The following KIAA1549L variants were observed in gnomAD, a reference collection of about 807,000 sequenced individuals.
The protein encoded by KIAA1549L is KIAA1549 like.
In KIAA1549L, 88 loss-of-function variants were observed where a neutral mutation model predicts 160.7. That is an observed-to-expected ratio of 0.55 (90% CI 0.46 to 0.65). The LOEUF (loss-of-function observed/expected upper bound fraction) is 0.65. KIAA1549L is among the 30% of genes least tolerant of loss of function. KIAA1549L has a pLI of 0.00. For missense variants in KIAA1549L, 2,258 were observed against 2,437.5 expected (o/e 0.93, Z 1.55); for synonymous variants, 950 against 976.7 (o/e 0.97, Z 0.51).
chr11:33,464,992 C>G (rs1369296306), intron 1 of KIAA1549L, among the ~76,000 whole-genome samples: 1 of 150,328 alleles, frequency 6.7e-6, no homozygotes, highest in Non-Finnish European at 1.5e-5. Flanking sequence ...CAGGGGTTCT[C>G]TCTGCTGAAA....
rs1334922790 is a variant in KIAA1549L at position 33,574,861 on chromosome 11, C to T, written c.4390C>T (p.Leu1464=). The T allele has an allele frequency of 1.2e-6, 2 of 1,613,430 alleles. No individual in the cohort carries two copies. Among genetic ancestry groups the T allele is most frequent in the African/African-American group, 2.7e-5 (2 of 75,052 alleles). Residue 1464 remains leucine, a synonymous_variant, in exon 10 of 21, where the codon CTG becomes TTG. Coordinates refer to ENST00000658780, the MANE Select transcript of KIAA1549L (RefSeq NM_012194.3). ...CTTGACCCTTCATCACGTTGTCCTTCTGCAAGCTGACCGTAAGGGAATGGT... is the reference window on the plus strand; with the variant it reads ...CTTGACCCTTCATCACGTTGTCCTTTTGCAAGCTGACCGTAAGGGAATGGT... ...MALTLHHVVL[L]QADPVVKNPP... is the part of the protein sequence containing the mutation.
At chr11:33,660,379 C>G (rs1379256066) in intron 19 of KIAA1549L, among the ~76,000 whole-genome samples, 1 of 152,126 alleles carries the variant, frequency 6.6e-6, no homozygotes, top group Non-Finnish European at 1.5e-5. Flanking sequence ...AGTTCGAGAC[C>G]ACGGTGAAAC....
chr11:33,611,975 T>C (rs190668637), intron 15 of KIAA1549L, among the ~76,000 whole-genome samples: 4 of 152,370 alleles, frequency 2.6e-5, no homozygotes, highest in Non-Finnish European at 5.9e-5. Context: ...TGGGGCCTTT[T>C]GATGACCTGC....
chr11:33,429,837 A>G (rs1851194460), intron 1 of KIAA1549L, among the ~76,000 whole-genome samples: 1 of 152,092 alleles, frequency 6.6e-6, no homozygotes, highest in Non-Finnish European at 1.5e-5. Context: ...CCTCCACTGC[A>G]GTCATCTGGA....
At chr11:33,609,685 G>A in intron 14 of KIAA1549L, 64 bp from the exon 15 acceptor site, 1 of 1,320,642 alleles carries the variant, frequency 7.6e-7, no homozygotes, top group Non-Finnish European at 1.1e-6. Flanking sequence ...ACCTCCTGGT[G>A]AAAGTCTCCC....
intron 10 of KIAA1549L, 130 bp downstream of exon 10, chr11:33,575,003 T>TCAATCAG: frequency 1.3e-6 from 1 of 760,368 alleles, no homozygotes; most frequent in Non-Finnish European, 2.2e-6. Context: ...GGTTCTTAAA[T>TCAATCAG]CAATCAGCTA....
intron 1 of KIAA1549L, among the ~76,000 whole-genome samples, chr11:33,462,435 C>CT (rs1218520306): frequency 6.6e-6 from 1 of 152,112 alleles, no homozygotes; most frequent in Non-Finnish European, 1.5e-5. Flanking sequence ...AAAAATTTTC[C>CT]TTTTAGTTTT....
chr11:33,614,328 A>G (rs886227798), intron 15 of KIAA1549L, among the ~76,000 whole-genome samples: 1 of 151,112 alleles, frequency 6.6e-6, no homozygotes, highest in Non-Finnish European at 1.5e-5. Context: ...GAGGCCAAAC[A>G]TGAACTGCCT....
At chr11:33,604,685 G>A (rs1262052402) in intron 13 of KIAA1549L, among the ~76,000 whole-genome samples, 1 of 152,202 alleles carries the variant, frequency 6.6e-6, no homozygotes, top group Non-Finnish European at 1.5e-5. Context: ...ATTATTCTAA[G>A]TGAAGTAACT....
intron 1 of KIAA1549L, among the ~76,000 whole-genome samples, chr11:33,405,570 G>A (rs1420786789): frequency 2.7e-5 from 4 of 148,550 alleles, no homozygotes; most frequent in East Asian, 3.9e-4. Context: ...CTGTCTGGGC[G>A]CAGTGGCTAA....
intron 1 of KIAA1549L, among the ~76,000 whole-genome samples, chr11:33,430,685 A>G (rs1428201872): frequency 1.3e-5 from 2 of 152,182 alleles, no homozygotes; most frequent in African/African-American, 4.8e-5. Context: ...GGATGTCAGC[A>G]TCCTGTAGAG....
At chr11:33,534,965 C>T (rs1385283809) in intron 1 of KIAA1549L, among the ~76,000 whole-genome samples, 4 of 152,164 alleles carry the variant, frequency 2.6e-5, no homozygotes, top group Admixed American at 2.0e-4. Flanking sequence ...AAACAACATA[C>T]ATTTATTATC....
chr11:33,520,391 T>G lies in KIAA1549L; in HGVS notation c.239-21411T>G, dbSNP rs1327174930. Among the ~76,000 whole-genome samples the G allele has an allele frequency of 1.3e-5, 2 of 152,112 alleles. 1 individual carries two copies. The highest frequency in any genetic ancestry group is 4.8e-5 in the African/African-American group (2 of 41,430). Reference sequence around the variant, plus strand: ...TAAGTGAGCTTGTGCAATATTTGTCTTTCTGTGTCTGGCTTATTTCACTTA... The same window carrying G: ...TAAGTGAGCTTGTGCAATATTTGTCGTTCTGTGTCTGGCTTATTTCACTTA... On this transcript the variant is annotated intron_variant, in intron 1 of 20. Coordinates refer to ENST00000658780, the MANE Select transcript of KIAA1549L (RefSeq NM_012194.3).
chr11:33,548,331 G>A (rs981034886), intron 4 of KIAA1549L, among the ~76,000 whole-genome samples: 1 of 152,166 alleles, frequency 6.6e-6, no homozygotes, highest in Non-Finnish European at 1.5e-5. Context: ...TCCAGGATGT[G>A]GAGGTTGCAG....
rs954754412 is a variant in KIAA1549L, at chr11:33,435,846, G to A, written c.238+58957G>A. 1.8e-3 allele frequency among the ~76,000 whole-genome samples: 100 copies of A among 56,542 alleles called. 9 individuals are homozygous for A. The highest frequency in any genetic ancestry group is 4.5e-3 in the East Asian group (11 of 2,438). The allele number at this position is 56,542 out of a possible 152,430, so 37.1% of individuals were successfully genotyped here. On this transcript the variant is annotated intron_variant, in intron 1 of 20. Transcript: ENST00000658780. Reference sequence around the variant, plus strand: ...TATATATATATGTATATGTATATGTGTGTGTGTGTGTGTGTGTATAAAATA... The same window carrying A: ...TATATATATATGTATATGTATATGTATGTGTGTGTGTGTGTGTATAAAATA...
rs188465852 is a variant in KIAA1549L at position 33,567,143 on chromosome 11, A to C, written c.4079-933A>C. On this transcript the variant is annotated intron_variant, in intron 8 of 20. Transcript: ENST00000658780. Reference sequence around the variant, plus strand: ...TGCACTGGCCATGGCTGAAACCATCATTCATGCCTTACCTGTTGACTGCAG... The same window carrying C: ...TGCACTGGCCATGGCTGAAACCATCCTTCATGCCTTACCTGTTGACTGCAG... 3.0e-3 allele frequency among the ~76,000 whole-genome samples: 464 copies of C among 152,298 alleles called. 4 individuals carry two copies. Among genetic ancestry groups the C allele is most frequent in the African/African-American group, 0.011 (445 of 41,566 alleles).
At chr11:33,572,813 A>T (rs1328058979) in intron 9 of KIAA1549L, among the ~76,000 whole-genome samples, 1 of 152,212 alleles carries the variant, frequency 6.6e-6, no homozygotes, top group Admixed American at 6.5e-5. Context: ...CATCTTAGTT[A>T]TATAGGCTGG....
chr11:33,603,822 A>G (rs889752882), intron 13 of KIAA1549L, among the ~76,000 whole-genome samples: 1 of 151,410 alleles, frequency 6.6e-6, no homozygotes. Flanking sequence ...AAAAAGAAAG[A>G]AAAAAGAAGG....
At chr11:33,579,940 G>T (rs940567431) in intron 10 of KIAA1549L, among the ~76,000 whole-genome samples, 1 of 152,164 alleles carries the variant, frequency 6.6e-6, no homozygotes, top group Non-Finnish European at 1.5e-5. Flanking sequence ...GTTCATCTGA[G>T]GTCAGGACTT....
Sources: allele counts gnomAD v4.1 joint callset (sites outside exome capture counted in the v4.1 genomes callset), GRCh38; gene constraint gnomAD v4.1.1; transcripts MANE v1.5; gene names NCBI Gene and HGNC (gene_info 2026-07-23, HGNC 2026-07-21).